The following KLHL1 variants were observed in gnomAD, a reference collection of about 807,000 sequenced individuals.
KLHL1 encodes kelch like family member 1.
Under a neutral mutation model 77.7 loss-of-function variants are expected in KLHL1, and 47 were observed. The observed-to-expected ratio is 0.60, with a 90% confidence interval of 0.48 to 0.77. The LOEUF (loss-of-function observed/expected upper bound fraction) is 0.77, where lower values mean the gene tolerates loss of function less well. Among genes scored for constraint, KLHL1 ranks in the 30% least tolerant of loss-of-function variants. The pLI, the probability that KLHL1 is intolerant of heterozygous loss-of-function variation, is 0.00. For synonymous variants in KLHL1, 360 were observed against 325.2 expected (o/e 1.11, Z -1.15); for missense variants, 925 against 910.8 (o/e 1.02, Z -0.20).
intron 4 of KLHL1, among the ~76,000 whole-genome samples, chr13:69,918,644 T>A (rs1882525214): frequency 6.6e-6 from 1 of 152,074 alleles, no homozygotes; most frequent in African/African-American, 2.4e-5. Context: ...CCTAATATAA[T>A]TACAGTCTTC....
chr13:69,789,518 AAAATGACATAAACAGTAT>A (rs1249927450), intron 7 of KLHL1, among the ~76,000 whole-genome samples: 11 of 152,274 alleles, frequency 7.2e-5, no homozygotes, highest in African/African-American at 1.9e-4. Context: ...TTGTACAATT[AAAATGACATAAACAGTAT>A]AAATGACATA....
chr13:69,920,321 G>A (rs1009308926), intron 4 of KLHL1, among the ~76,000 whole-genome samples: 1 of 151,888 alleles, frequency 6.6e-6, no homozygotes, highest in Non-Finnish European at 1.5e-5. Context: ...GAAAAGTTGG[G>A]AAGAAAATAA....
At position 70,023,607 on chromosome 13, in the gene KLHL1, G is replaced by A. The variant is rs558304165; in HGVS notation, c.498-47805C>T. Among the ~76,000 whole-genome samples the A allele has an allele frequency of 1.8e-4, 27 of 151,914 alleles. No individual in the cohort carries two copies. The East Asian group carries it at 2.7e-3, about 15-fold the overall frequency. On this transcript the variant is annotated intron_variant, in intron 1 of 10. Transcript: ENST00000377844. ...GATTTTTTGTTGTATCTGTTTGGAC[G>A]CCTTTAAAAGCCTGAAGCCTCATTT...
rs934750920 is a variant in KLHL1, at chr13:70,058,129, A to G, written c.497+49074T>C. Among the ~76,000 whole-genome samples the G allele has an allele frequency of 2.6e-5, 4 of 152,222 alleles. No individual in the cohort carries two copies. In the South Asian group the frequency reaches 6.2e-4, roughly 24 times the overall value. ...CATATATGACAGTCCCACAGGTAGT[A>G]TCATACTGAATGCAGAAAAGCTGAA... On this transcript the variant is annotated intron_variant, in intron 1 of 10. Coordinates refer to ENST00000377844, the MANE Select transcript of KLHL1 (RefSeq NM_020866.3).
At chr13:69,866,710 C>T (rs1185915169) in intron 5 of KLHL1, among the ~76,000 whole-genome samples, 2 of 152,046 alleles carry the variant, frequency 1.3e-5, no homozygotes, top group Admixed American at 6.6e-5. Flanking sequence ...ATTGTTTTGA[C>T]ATGAAATGCC....
At chr13:69,728,417 T>G (rs1473290752) in intron 8 of KLHL1, among the ~76,000 whole-genome samples, 1 of 151,310 alleles carries the variant, frequency 6.6e-6, no homozygotes, top group African/African-American at 2.4e-5. Context: ...GTTTGTTTGT[T>G]TGTTTGTTTG....
At chr13:70,040,723 A>T (rs529672760) in intron 1 of KLHL1, among the ~76,000 whole-genome samples, 6 of 152,256 alleles carry the variant, frequency 3.9e-5, no homozygotes, top group African/African-American at 1.2e-4. Flanking sequence ...AGATTCACCC[A>T]CCTTGAATTT....
intron 1 of KLHL1, among the ~76,000 whole-genome samples, chr13:70,051,444 T>A (rs1337771390): frequency 6.6e-6 from 1 of 152,022 alleles, no homozygotes; most frequent in East Asian, 1.9e-4. Flanking sequence ...ATAGTGTTCA[T>A]ATACATTAAT....
intron 7 of KLHL1, among the ~76,000 whole-genome samples, chr13:69,789,771 T>G (rs1876773318): frequency 6.6e-6 from 1 of 152,168 alleles, no homozygotes; most frequent in African/African-American, 2.4e-5. Flanking sequence ...GTAAGGCCAA[T>G]AGTGTGCTTC....
At chr13:69,858,620 T>A (rs1880014370) in intron 5 of KLHL1, among the ~76,000 whole-genome samples, 2 of 151,990 alleles carry the variant, frequency 1.3e-5, no homozygotes, top group Non-Finnish European at 1.5e-5. Context: ...GATACAAGTT[T>A]TTTTCTGAAC....
chr13:69,848,053 G>A (rs1001310687), intron 5 of KLHL1, among the ~76,000 whole-genome samples: 1 of 151,526 alleles, frequency 6.6e-6, no homozygotes, highest in Non-Finnish European at 1.5e-5. Flanking sequence ...CTGGTGAAAG[G>A]AAAGAGTTCA....
chr13:69,943,910 T>A (rs939760575), intron 3 of KLHL1, among the ~76,000 whole-genome samples: 1 of 152,192 alleles, frequency 6.6e-6, no homozygotes, highest in African/African-American at 2.4e-5. Context: ...ATGGCATGGT[T>A]TCTATTGACT....
intron 1 of KLHL1, among the ~76,000 whole-genome samples, chr13:70,091,792 T>C (rs1887677807): frequency 6.6e-6 from 1 of 152,202 alleles, no homozygotes; most frequent in Admixed American, 6.6e-5. Flanking sequence ...GTAAGCTCTG[T>C]AGGTGCCGCC....
chr13:69,824,385 C>G (rs749415392), intron 6 of KLHL1, among the ~76,000 whole-genome samples: 8 of 151,970 alleles, frequency 5.3e-5, no homozygotes, highest in Non-Finnish European at 8.8e-5. Context: ...GATATTTTCT[C>G]TGATGTTTTT....
chr13:69,816,493 C>T (rs1488631118), intron 6 of KLHL1, among the ~76,000 whole-genome samples: 1 of 151,576 alleles, frequency 6.6e-6, no homozygotes, highest in Non-Finnish European at 1.5e-5. Context: ...TGAACTCCTG[C>T]CCTGAAAATG....
intron 1 of KLHL1, among the ~76,000 whole-genome samples, chr13:69,991,497 G>C (rs140121861): frequency 1.3e-5 from 2 of 151,824 alleles, no homozygotes; most frequent in African/African-American, 4.8e-5. Flanking sequence ...CACAAGAGAC[G>C]TTACCACTGA....
intron 1 of KLHL1, among the ~76,000 whole-genome samples, chr13:70,080,400 A>G (rs1465596850): frequency 6.6e-6 from 1 of 152,124 alleles, no homozygotes; most frequent in Non-Finnish European, 1.5e-5. Flanking sequence ...AAATTAAGTT[A>G]TTTTTTAAAA....
At chr13:69,939,336 CATACATATATATATAT>C (rs1274655826) in intron 4 of KLHL1, among the ~76,000 whole-genome samples, 2 of 48,520 alleles carry the variant, frequency 4.1e-5, no homozygotes, top group African/African-American at 1.8e-4. Context: ...TATACATATA[CATACATATATATATAT>C]ATATATATAT....
intron 9 of KLHL1, 73 bp from the exon 10 acceptor site, chr13:69,707,869 T>G (rs1875697489): frequency 7.7e-6 from 10 of 1,301,292 alleles, no homozygotes; most frequent in Non-Finnish European, 1.0e-5. Flanking sequence ...TTTTACTTTT[T>G]ACAAAGCCTG....
Sources: allele counts gnomAD v4.1 joint callset (sites outside exome capture counted in the v4.1 genomes callset), GRCh38; gene constraint gnomAD v4.1.1; transcripts MANE v1.5; gene names NCBI Gene and HGNC (gene_info 2026-07-23, HGNC 2026-07-21).